Variants in KIAA1549 observed in about 807,000 individuals in gnomAD.
KIAA1549 encodes UPF0606 protein KIAA1549.
KIAA1549 carries 70 observed loss-of-function variants against 156.4 expected under a neutral mutation model. That is an observed-to-expected ratio of 0.45 (90% CI 0.37 to 0.55). KIAA1549 has a LOEUF of 0.55. Ranked by LOEUF, KIAA1549 falls within the 20% of genes least tolerant of loss-of-function variation. The pLI, the probability that KIAA1549 is intolerant of heterozygous loss-of-function variation, is 0.00. For missense variants in KIAA1549, 2,428 were observed against 2,540.9 expected (o/e 0.96, Z 0.96); for synonymous variants, 1,103 against 1,066.4 (o/e 1.03, Z -0.67).
At chr7:138,964,808 G>A (rs1813966206) in intron 1 of KIAA1549, among the ~76,000 whole-genome samples, 1 of 152,170 alleles carries the variant, frequency 6.6e-6, no homozygotes, top group African/African-American at 2.4e-5. Flanking sequence ...CCTTTCTAGA[G>A]AGCGATTTGG....
chr7:138,891,612 A>T (rs1811548906), intron 10 of KIAA1549, among the ~76,000 whole-genome samples: 1 of 152,212 alleles, frequency 6.6e-6, no homozygotes, highest in Admixed American at 6.5e-5. Flanking sequence ...CAATCTGAAG[A>T]GGTTTCCTTC....
intron 1 of KIAA1549, among the ~76,000 whole-genome samples, chr7:138,963,770 A>G (rs1813926540): frequency 6.6e-6 from 1 of 152,230 alleles, no homozygotes; most frequent in South Asian, 2.1e-4. Context: ...CCAGTGGTAT[A>G]CACTAACTTA....
At chr7:138,846,564 G>A (rs901237456) in intron 17 of KIAA1549, among the ~76,000 whole-genome samples, 3 of 143,000 alleles carry the variant, frequency 2.1e-5, no homozygotes, top group African/African-American at 5.1e-5. Context: ...AAAAGACGAC[G>A]ACTAGCAGTT....
intron 12 of KIAA1549, among the ~76,000 whole-genome samples, chr7:138,872,298 G>A (rs1563057690): frequency 6.6e-6 from 1 of 150,996 alleles, no homozygotes; most frequent in Non-Finnish European, 1.5e-5. Context: ...ATGGTTACAT[G>A]GCAAATTTTA....
chr7:138,858,471 T>C (rs761775241), intron 16 of KIAA1549, among the ~76,000 whole-genome samples: 2 of 152,174 alleles, frequency 1.3e-5, no homozygotes, highest in Non-Finnish European at 2.9e-5. Context: ...ATGCAGACAT[T>C]ATTAATTTTA....
chr7:138,861,234 G>T lies in KIAA1549; in HGVS notation c.5152C>A (p.Leu1718Met). ...TGGGAAGGGGTGCTGTTTGCGGGCA[G>T]GCCGGGTGGGACTCCGGGGCCTACA... ...AGVGPGVPPG[L>M]PANSTPSQEE... Residue 1718 changes from leucine (L) to methionine (M), a missense_variant, in exon 16 of 20, where the codon CTG becomes ATG. Coordinates refer to ENST00000422774, the MANE Select transcript of KIAA1549 (RefSeq NM_001164665.2). The T allele has an allele frequency of 6.2e-7, 1 of 1,612,580 alleles. No individual in the cohort carries two copies. Among genetic ancestry groups the T allele is most frequent in the Non-Finnish European group, 8.5e-7 (1 of 1,179,598 alleles).
chr7:138,862,503 TAAAAA>T (rs1191016536), intron 15 of KIAA1549, among the ~76,000 whole-genome samples: 1 of 114,628 alleles, frequency 8.7e-6, no homozygotes, highest in African/African-American at 3.3e-5. Context: ...CCTAGACTCT[TAAAAA>T]AAAAAAAAAG....
At position 138,869,626 on chromosome 7, in the gene KIAA1549, G is replaced by A. The variant is rs770572143; in HGVS notation, c.4687C>T (p.Arg1563Trp). Residue 1563 changes from arginine to tryptophan, a missense_variant, in exon 14 of 20, where the codon CGG becomes TGG. Around this residue, in one of 5 missense-constraint regions of KIAA1549, gnomAD observed 404 missense variants for 417.0 expected, o/e 0.97. Transcript: ENST00000422774. ...LSSGDTKERH[R>W]VYRRAQMQID... ...TGCATCTGTGCCCTGCGGTACACCC[G>A]GTGTCGCTCCTTAGTGTCGCCCGAG... The A allele has an allele frequency of 1.4e-5, 22 of 1,608,446 alleles. 1 individual carries two copies. The highest frequency in any genetic ancestry group is 2.1e-4 in the Middle Eastern group (1 of 4,720).
chr7:138,852,906 C>A (rs1053896916), intron 16 of KIAA1549, among the ~76,000 whole-genome samples: 1 of 152,230 alleles, frequency 6.6e-6, no homozygotes, highest in Non-Finnish European at 1.5e-5. Flanking sequence ...AAGGTGCCCC[C>A]GTATCCTTCA....
intron 12 of KIAA1549, among the ~76,000 whole-genome samples, chr7:138,871,832 A>C (rs2130387048): frequency 6.6e-6 from 1 of 152,364 alleles, no homozygotes; most frequent in East Asian, 1.9e-4. Context: ...CTACAGAGAA[A>C]ACAGAAGACC....
intron 1 of KIAA1549, among the ~76,000 whole-genome samples, chr7:138,968,019 C>T (rs1020975929): frequency 8.5e-5 from 13 of 152,228 alleles, no homozygotes; most frequent in Non-Finnish European, 1.9e-4. Flanking sequence ...GCTTCCCTAC[C>T]AGCTAGTTCC....
intron 1 of KIAA1549, among the ~76,000 whole-genome samples, chr7:138,957,862 T>C (rs964985094): frequency 6.6e-6 from 1 of 152,058 alleles, no homozygotes; most frequent in Non-Finnish European, 1.5e-5. Flanking sequence ...TCCCTTATTC[T>C]CTCTTTGTCC....
At chr7:138,954,153 A>C (rs550578437) in intron 1 of KIAA1549, among the ~76,000 whole-genome samples, 56 of 152,376 alleles carry the variant, frequency 3.7e-4, no homozygotes, top group African/African-American at 1.3e-3. Context: ...TAAATATACG[A>C]TGGTAGACAG....
chr7:138,853,836 G>A (rs945131118), intron 16 of KIAA1549, among the ~76,000 whole-genome samples: 5 of 152,066 alleles, frequency 3.3e-5, no homozygotes, highest in Non-Finnish European at 5.9e-5. Context: ...TGGTGCTTTC[G>A]GCACAGTATG....
chr7:138,935,183 A>T (rs1292073327), intron 1 of KIAA1549, among the ~76,000 whole-genome samples: 1 of 152,080 alleles, frequency 6.6e-6, no homozygotes, highest in Non-Finnish European at 1.5e-5. Context: ...CTAATACTGC[A>T]AGGCTTTTAA....
intron 11 of KIAA1549, among the ~76,000 whole-genome samples, chr7:138,880,204 C>T (rs1434918999): frequency 6.6e-6 from 1 of 152,148 alleles, no homozygotes; most frequent in Non-Finnish European, 1.5e-5. Flanking sequence ...TCCCTGGCTT[C>T]AATGACAATG....
At chr7:138,880,201 C>T (rs1257248529) in intron 11 of KIAA1549, among the ~76,000 whole-genome samples, 1 of 152,196 alleles carries the variant, frequency 6.6e-6, no homozygotes, top group Admixed American at 6.5e-5. Flanking sequence ...GGCTCCCTGG[C>T]TTCAATGACA....
chr7:138,959,398 G>A (rs1563094183), intron 1 of KIAA1549, among the ~76,000 whole-genome samples: 3 of 152,102 alleles, frequency 2.0e-5, no homozygotes, highest in East Asian at 1.9e-4. Context: ...AAAAGATGAC[G>A]CTAACGGGGC....
chr7:138,896,302 T>C (rs1256434936), intron 9 of KIAA1549, among the ~76,000 whole-genome samples: 1 of 152,174 alleles, frequency 6.6e-6, no homozygotes, highest in East Asian at 1.9e-4. Context: ...AAAAGGGTTC[T>C]TGGTGCTGGT....
Sources: allele counts gnomAD v4.1 joint callset (sites outside exome capture counted in the v4.1 genomes callset), GRCh38; gene constraint gnomAD v4.1.1; regional missense constraint gnomAD v4.1.1; transcripts MANE v1.5; gene names NCBI Gene and HGNC (gene_info 2026-07-23, HGNC 2026-07-21).